Variants in OLFM4 observed in about 807,000 individuals in gnomAD.
OLFM4 encodes olfactomedin-4.
A neutral mutation model predicts 25.5 loss-of-function variants in OLFM4; 22 were observed. That is an observed-to-expected ratio of 0.86 (90% confidence interval 0.62 to 1.23). The LOEUF (loss-of-function observed/expected upper bound fraction) is 1.23. OLFM4 is among the 50% of genes most tolerant of loss of function. The pLI is 0.00. For missense variants in OLFM4, 594 were observed against 619.4 expected (o/e 0.96, Z 0.44); for synonymous variants, 255 against 237.7 (o/e 1.07, Z -0.67).
chr13:53,046,941 A>G (rs544290771), intron 4 of OLFM4, among the ~76,000 whole-genome samples: 2 of 152,176 alleles, frequency 1.3e-5, no homozygotes, highest in Non-Finnish European at 2.9e-5. Flanking sequence ...TAGCTGCTCT[A>G]ACAGAGAGGT....
chr13:53,037,535 G>A (rs1466090503), intron 2 of OLFM4, among the ~76,000 whole-genome samples: 1 of 151,970 alleles, frequency 6.6e-6, no homozygotes, highest in East Asian at 1.9e-4. Flanking sequence ...TAATTCATAG[G>A]GCCTCCATTA....
At chr13:53,041,837 AG>A in intron 2 of OLFM4, 72 bp from the exon 3 acceptor site, 1 of 1,009,474 alleles carries the variant, frequency 9.9e-7, no homozygotes, top group Non-Finnish European at 1.5e-6. Flanking sequence ...TCTCAACTCA[AG>A]GGCTCGGTAG....
chr13:53,032,366 T>C (rs529723537), intron 1 of OLFM4, among the ~76,000 whole-genome samples: 2 of 152,298 alleles, frequency 1.3e-5, no homozygotes, highest in African/African-American at 4.8e-5. Context: ...TAGACTGTTA[T>C]TATAATAAGC....
chr13:53,029,483 G>T (rs1361671911), intron 1 of OLFM4, among the ~76,000 whole-genome samples: 3 of 152,238 alleles, frequency 2.0e-5, no homozygotes, highest in African/African-American at 7.2e-5. Context: ...GCTCTGGGAA[G>T]TTTGTCCAGT....
In OLFM4 at chr13:53,041,910, G is replaced by T. The variant is rs1954688743; in HGVS notation, c.358G>T (p.Val120Leu). 2 of 1,611,804 alleles carry T rather than the reference G, an allele frequency of 1.2e-6. No homozygotes were observed. The highest frequency in any genetic ancestry group is 1.1e-5 in the South Asian group (1 of 91,034). ...SQKFEKELSKVREYVQLISVY... is the reference protein window; with the variant it reads ...SQKFEKELSKLREYVQLISVY... ...CTTGAACCTTTTGATTTTCTTTCAG[G>T]TGAGGGAATATGTCCAATTAATTAG... The change falls in exon 3 of 5, where the codon GTG becomes TTG. Residue 120 changes from valine to leucine, a missense_variant and splice_region_variant. Physicochemically the swap from Val to Leu is conservative, Grantham distance 32. Transcript: ENST00000219022.
intron 4 of OLFM4, among the ~76,000 whole-genome samples, chr13:53,048,438 G>T (rs781090522): frequency 3.1e-4 from 47 of 152,266 alleles, no homozygotes; most frequent in South Asian, 2.3e-3. Flanking sequence ...AGCATTTAAG[G>T]AGCATATATT....
intron 2 of OLFM4, among the ~76,000 whole-genome samples, chr13:53,040,454 C>T (rs1018711091): frequency 2.0e-5 from 3 of 152,198 alleles, no homozygotes; most frequent in Non-Finnish European, 4.4e-5. Flanking sequence ...GGGATCAAAA[C>T]TAATTGTATA....
At chr13:53,044,155 G>A (rs1238787395) in intron 4 of OLFM4, among the ~76,000 whole-genome samples, 1 of 152,176 alleles carries the variant, frequency 6.6e-6, no homozygotes, top group Non-Finnish European at 1.5e-5. Context: ...CTTATGATCG[G>A]CACTCACACG....
chr13:53,042,374 A>G (rs1954692476), intron 3 of OLFM4, among the ~76,000 whole-genome samples: 1 of 152,234 alleles, frequency 6.6e-6, no homozygotes, highest in South Asian at 2.1e-4. Flanking sequence ...CCAGAATAAA[A>G]TGCCCTTTCA....
intron 1 of OLFM4, among the ~76,000 whole-genome samples, chr13:53,033,330 C>T (rs962610759): frequency 6.6e-6 from 1 of 152,184 alleles, no homozygotes; most frequent in African/African-American, 2.4e-5. Context: ...CCTTCAAGCT[C>T]ATACGCTATT....
chr13:53,028,829 A>G lies in OLFM4; in HGVS notation c.-8A>G. On this transcript the variant is annotated 5_prime_UTR_variant, in exon 1 of 5. Coordinates refer to ENST00000219022, the MANE Select transcript of OLFM4 (RefSeq NM_006418.5). ...TGCAGAGCCAGCGGCTCCAGCTAAG[A>G]GGACAAGATGAGGCCCGGCCTCTCA... 1 of 1,613,772 alleles carries G rather than the reference A, an allele frequency of 6.2e-7. No individual in the cohort carries two copies. The highest frequency in any genetic ancestry group is 8.5e-7 in the Non-Finnish European group (1 of 1,179,740).
chr13:53,029,567 T>C (rs1436909216), intron 1 of OLFM4, among the ~76,000 whole-genome samples: 2 of 152,182 alleles, frequency 1.3e-5, no homozygotes, highest in Non-Finnish European at 2.9e-5. Flanking sequence ...AGTGCCCTAG[T>C]TGAAGCCCTG....
In OLFM4 at chr13:53,028,980, C is replaced by G; in HGVS notation, c.144C>G (p.Ser48=). 2 of 1,614,182 alleles carry G rather than the reference C, an allele frequency of 1.2e-6. No homozygotes were observed. Residue 48 remains serine (S), a synonymous_variant, in exon 1 of 5, where the codon TCC becomes TCG. Coordinates refer to ENST00000219022, the MANE Select transcript of OLFM4 (RefSeq NM_006418.5). ...TTGACTCCAGCTCCAGCTTCAGCTC[C>G]AGCTCCAGGTCGGGCTCCAGCTCCA... ...PGVDSSSSFS[S]SSRSGSSSSR... is the part of the protein sequence containing the mutation.
chr13:53,049,581 A>G (rs1954733312), intron 4 of OLFM4, among the ~76,000 whole-genome samples: 1 of 152,192 alleles, frequency 6.6e-6, no homozygotes, highest in South Asian at 2.1e-4. Flanking sequence ...TGATTTTGCT[A>G]TAAGAAAAAC....
At chr13:53,041,726 G>T (rs1041438959) in intron 2 of OLFM4, among the ~76,000 whole-genome samples, 184 bp from the exon 3 acceptor site, 4 of 152,172 alleles carry the variant, frequency 2.6e-5, no homozygotes, top group Admixed American at 2.0e-4. Context: ...TTCAATTGGA[G>T]TAATAAGTTC....
At position 53,042,056 on chromosome 13, in the gene OLFM4, A is replaced by G. The variant is rs1593480632; in HGVS notation, c.504A>G (p.Lys168=). Residue 168 remains lysine (K), a synonymous_variant, in exon 3 of 5, where the codon AAA becomes AAG. Coordinates refer to ENST00000219022, the MANE Select transcript of OLFM4 (RefSeq NM_006418.5). Reference sequence around the variant, plus strand: ...AGGTAGAAGTGAAGGAGATGGAAAAACTGGTCATACAGCTGAAGGAGAGTT... The same window carrying G: ...AGGTAGAAGTGAAGGAGATGGAAAAGCTGGTCATACAGCTGAAGGAGAGTT... ...LIKVEVKEME[K]LVIQLKESFG... is the part of the protein sequence containing the mutation. 1.2e-6 allele frequency: 2 copies of G among 1,613,922 alleles called. No individual in the cohort carries two copies. Among genetic ancestry groups the G allele is most frequent in the African/African-American group, 1.3e-5 (1 of 74,934 alleles).
intron 2 of OLFM4, among the ~76,000 whole-genome samples, chr13:53,034,812 G>T (rs1352991998): frequency 6.6e-6 from 1 of 152,252 alleles, no homozygotes; most frequent in Non-Finnish European, 1.5e-5. Context: ...TTTTTATTTT[G>T]TTTTGACGCT....
In OLFM4 at chr13:53,029,016, A is replaced by T; in HGVS notation, c.180A>T (p.Leu60Phe). The T allele has an allele frequency of 6.2e-7, 1 of 1,614,170 alleles. No individual in the cohort carries two copies. Among genetic ancestry groups the T allele is most frequent in the Non-Finnish European group, 8.5e-7 (1 of 1,180,028 alleles). ...SRSGSSSSRS[L>F]GSGGSVSQLF... ...CGGGCTCCAGCTCCAGCCGCAGCTT[A>T]GGCAGCGGAGGTTCTGTGTCCCAGG... The change falls in exon 1 of 5, where the codon TTA (leucine) becomes TTT (phenylalanine). Residue 60 changes from leucine (L) to phenylalanine (F), a missense_variant. Leu to Phe is a conservative substitution (Grantham distance 22). Coordinates refer to ENST00000219022, the MANE Select transcript of OLFM4 (RefSeq NM_006418.5).
chr13:53,035,163 C>G (rs1002601259), intron 2 of OLFM4, among the ~76,000 whole-genome samples: 3 of 151,810 alleles, frequency 2.0e-5, no homozygotes, highest in African/African-American at 7.3e-5. Flanking sequence ...CCCTCCCTCT[C>G]TCTTTCCTTT....
Sources: gnomAD v4.1 joint callset for allele counts (sites outside exome capture counted in the v4.1 genomes callset) on GRCh38, gnomAD v4.1.1 for gene constraint, MANE v1.5 for transcripts, NCBI Gene and HGNC (gene_info 2026-07-23, HGNC 2026-07-21) for gene names.